RNLS: variants seen among roughly 807,000 people sequenced by gnomAD.
RNLS encodes the protein renalase.
In RNLS, 39 loss-of-function variants were observed where a neutral mutation model predicts 39.8. That is an observed-to-expected ratio of 0.98 (90% confidence interval 0.76 to 1.28). The LOEUF is 1.28. Ranked by LOEUF, RNLS falls within the 50% of genes most tolerant of loss-of-function variation. The probability of loss-of-function intolerance (pLI) is 0.00; values close to 1 mark genes in which losing one functional copy is unlikely to be tolerated. For missense variants in RNLS, 410 were observed against 413.3 expected, an observed-to-expected ratio of 0.99 and a Z score of 0.07; for synonymous variants, 147 against 150.7, an observed-to-expected ratio of 0.98 and a Z score of 0.18.
rs1849948227 is a variant in RNLS, at chr10:88,573,036, ACGATG to A, written c.388_392del (p.His130CysfsTer9). 6.2e-7 allele frequency: 1 copy of A among 1,613,902 alleles called. No homozygotes were observed. Among genetic ancestry groups the A allele is most frequent in the South Asian group, 1.1e-5 (1 of 91,072 alleles). ...CATCTCTTAGGTTGATCTGTGTCAC[ACGATG>A]TCTGAAGTAGACTTCTGCACCTGTT... is the stretch of plus-strand genomic sequence containing the variant. On this transcript the variant is annotated frameshift_variant, in exon 4 of 7. Coordinates refer to ENST00000331772, the MANE Select transcript of RNLS (RefSeq NM_001031709.3). LOFTEE classifies it high-confidence loss of function.
chr10:88,491,305 A>AT (rs1844863914), intron 4 of RNLS, among the ~76,000 whole-genome samples: 1 of 152,158 alleles, frequency 6.6e-6, no homozygotes, highest in Admixed American at 6.6e-5. Context: ...TGCACACATT[A>AT]TTTCGGGATA....
intron 4 of RNLS, among the ~76,000 whole-genome samples, chr10:88,524,138 T>C (rs1846933026): frequency 6.6e-6 from 1 of 152,066 alleles, no homozygotes; most frequent in Non-Finnish European, 1.5e-5. Flanking sequence ...AAAAAAGCTC[T>C]TTAGGTTTCC....
chr10:88,305,864 A>G (rs764708209), intron 6 of RNLS, among the ~76,000 whole-genome samples: 1 of 152,204 alleles, frequency 6.6e-6, no homozygotes, highest in Non-Finnish European at 1.5e-5. Context: ...ACCAAAAACA[A>G]CAGACTATAC....
the RNLS span, among the ~76,000 whole-genome samples, chr10:88,208,232 T>C: frequency 6.6e-6 from 1 of 152,118 alleles, no homozygotes; most frequent in African/African-American, 2.4e-5. Context: ...TTTAAGTCCT[T>C]CTGTCCTTAT....
chr10:88,234,133 C>T, the RNLS span, among the ~76,000 whole-genome samples: 1 of 150,338 alleles, frequency 6.7e-6, no homozygotes, highest in Non-Finnish European at 1.5e-5. Flanking sequence ...TCTGCAGGAC[C>T]AAGTGACAAT....
chr10:88,478,706 C>T (rs1417455885), intron 4 of RNLS, among the ~76,000 whole-genome samples: 1 of 152,166 alleles, frequency 6.6e-6, no homozygotes, highest in Non-Finnish European at 1.5e-5. Context: ...TCCCATACAA[C>T]TTATAATATA....
At chr10:88,213,365 GC>G in the RNLS span, among the ~76,000 whole-genome samples, 1 of 151,760 alleles carries the variant, frequency 6.6e-6, no homozygotes, top group Non-Finnish European at 1.5e-5. Flanking sequence ...CTGCTTGTGT[GC>G]TAGAAGAATC....
At chr10:88,191,953 G>A in the RNLS span, among the ~76,000 whole-genome samples, 1 of 151,458 alleles carries the variant, frequency 6.6e-6, no homozygotes, top group Non-Finnish European at 1.5e-5. Context: ...TTCAGCTTGG[G>A]GTGCCCCATA....
chr10:88,400,840 C>T (rs949414387), intron 4 of RNLS, among the ~76,000 whole-genome samples: 9 of 151,774 alleles, frequency 5.9e-5, no homozygotes, highest in Admixed American at 2.0e-4. Flanking sequence ...GTTTTCAATG[C>T]CCCTATGTGA....
intron 4 of RNLS, among the ~76,000 whole-genome samples, chr10:88,405,237 TGGCAGATACAATTCG>T (rs1367500769): frequency 2.6e-5 from 4 of 152,072 alleles, no homozygotes; most frequent in Admixed American, 2.0e-4. Context: ...GATACAATTC[TGGCAGATACAATTCG>T]GGCAGATGTA....
the RNLS span, among the ~76,000 whole-genome samples, chr10:88,191,508 G>A: frequency 6.6e-6 from 1 of 152,136 alleles, no homozygotes; most frequent in Admixed American, 6.5e-5. Context: ...AACCTAGAGA[G>A]TTCTACAGGA....
chr10:88,181,642 G>A, the RNLS span, among the ~76,000 whole-genome samples: 6 of 152,140 alleles, frequency 3.9e-5, no homozygotes, highest in African/African-American at 1.4e-4. Context: ...GTTTATTTAA[G>A]GGTAAGTATG....
chr10:88,482,548 T>A (rs1844251257), intron 4 of RNLS, among the ~76,000 whole-genome samples: 1 of 152,164 alleles, frequency 6.6e-6, no homozygotes, highest in African/African-American at 2.4e-5. Flanking sequence ...ACTTGTTGAG[T>A]CACGTTGTCA....
the RNLS span, among the ~76,000 whole-genome samples, chr10:88,259,814 G>A: frequency 6.6e-6 from 1 of 152,118 alleles, no homozygotes; most frequent in African/African-American, 2.4e-5. Context: ...CGTGATCGTG[G>A]CTCACTGCAA....
At chr10:88,457,921 C>A (rs964969392) in intron 4 of RNLS, among the ~76,000 whole-genome samples, 1 of 152,174 alleles carries the variant, frequency 6.6e-6, no homozygotes. Context: ...CAAGCGTGTC[C>A]TACCTTGGAA....
At chr10:88,455,939 A>G (rs1401619890) in intron 4 of RNLS, among the ~76,000 whole-genome samples, 1 of 152,206 alleles carries the variant, frequency 6.6e-6, no homozygotes, top group East Asian at 1.9e-4. Flanking sequence ...AAAGCCTCCC[A>G]AGAGGACTTA....
intron 4 of RNLS, among the ~76,000 whole-genome samples, chr10:88,364,514 C>T (rs1055978268): frequency 1.3e-5 from 2 of 152,062 alleles, no homozygotes; most frequent in Non-Finnish European, 2.9e-5. Flanking sequence ...TTCCAGATTG[C>T]GTGGTCAGGA....
the RNLS span, among the ~76,000 whole-genome samples, chr10:88,233,473 C>G: frequency 6.6e-6 from 1 of 152,190 alleles, no homozygotes; most frequent in Non-Finnish European, 1.5e-5. Context: ...TGGTGGAAAT[C>G]TCTTTACTGA....
At position 88,466,938 on chromosome 10, in the gene RNLS, T is replaced by C. The variant is rs1241382860; in HGVS notation, c.527-104213A>G. Among the ~76,000 whole-genome samples the C allele has an allele frequency of 3.9e-5, 6 of 152,158 alleles. No homozygotes were observed. The East Asian group carries it at 1.2e-3, about 29-fold the overall frequency. On this transcript the variant is annotated intron_variant, in intron 4 of 6. Coordinates refer to ENST00000331772, the MANE Select transcript of RNLS (RefSeq NM_001031709.3). The stretch of plus-strand genomic sequence containing the variant: ...TTTATTTTTAAAACCCCTTTCAAGC[T>C]GACATTGTCTATGACCAAGCCATAG...
Sources: gnomAD v4.1 joint callset for allele counts (sites outside exome capture counted in the v4.1 genomes callset) on GRCh38, gnomAD v4.1.1 for gene constraint, MANE v1.5 for transcripts, NCBI Gene and HGNC (gene_info 2026-07-23, HGNC 2026-07-21) for gene names.